The following INSL6 variants were observed in gnomAD, a reference collection of about 807,000 sequenced individuals.
INSL6 encodes the protein insulin like 6.
In INSL6, 16 loss-of-function variants were observed where a neutral mutation model predicts 9.4. That is an observed-to-expected ratio of 1.70 (90% CI 1.15 to 2.59). The LOEUF is 2.59. Among genes scored for constraint, INSL6 ranks in the 30% most tolerant of loss-of-function variants. INSL6 has a pLI of 0.00. For missense variants in INSL6, 391 were observed against 257.3 expected, an observed-to-expected ratio of 1.52 and a Z score of -3.56; for synonymous variants, 154 against 96.9, an observed-to-expected ratio of 1.59 and a Z score of -3.46.
downstream of INSL6, among the ~76,000 whole-genome samples, chr9:5,122,762 T>A (rs1213154445): frequency 6.6e-6 from 1 of 152,014 alleles, no homozygotes; most frequent in Non-Finnish European, 1.5e-5. Flanking sequence ...AACCGTATTG[T>A]TTGTACAAAC....
the INSL6 span, among the ~76,000 whole-genome samples, chr9:5,102,587 T>A: frequency 6.6e-6 from 1 of 152,112 alleles, no homozygotes; most frequent in Non-Finnish European, 1.5e-5. Flanking sequence ...AGACACGTAA[T>A]TGTCATATTC....
chr9:5,168,488 G>A (rs1443687182), intron 1 of INSL6, among the ~76,000 whole-genome samples: 1 of 152,110 alleles, frequency 6.6e-6, no homozygotes, highest in Non-Finnish European at 1.5e-5. Context: ...ATCAGAGCTT[G>A]AAGACTATCT....
At chr9:5,125,550 A>G (rs1204581099) in intron 3 of INSL6, among the ~76,000 whole-genome samples, 1 of 151,518 alleles carries the variant, frequency 6.6e-6, no homozygotes, top group Non-Finnish European at 1.5e-5. Context: ...AAAGTTATGA[A>G]CTATTTTAAA....
intron 1 of INSL6, among the ~76,000 whole-genome samples, chr9:5,170,356 T>C (rs1033597672): frequency 6.6e-6 from 1 of 152,152 alleles, no homozygotes. Flanking sequence ...TAAAGCAGTC[T>C]TAACAGGAAA....
chr9:5,127,277 T>C (rs751294740), intron 3 of INSL6: 25 of 232,422 alleles, frequency 1.1e-4, no homozygotes, highest in Non-Finnish European at 1.7e-4. Flanking sequence ...CTATAATTAA[T>C]TACTTCACTA....
the INSL6 span, chr9:5,080,798 C>A: frequency 4.6e-6 from 3 of 659,118 alleles, no homozygotes; most frequent in African/African-American, 1.9e-5. Context: ...TTTGGGCCCT[C>A]TTAATTTCTT....
At chr9:5,096,720 T>C in the INSL6 span, 6 of 152,196 alleles carry the variant, frequency 3.9e-5, no homozygotes, top group Admixed American at 1.3e-4. Flanking sequence ...CGGAACACTA[T>C]ACCTGCTGTT....
At chr9:5,065,162 A>G in the INSL6 span, 1 of 546,500 alleles carries the variant, frequency 1.8e-6, no homozygotes, top group Non-Finnish European at 2.9e-6. Context: ...TTTTTTAAAC[A>G]AAAGGCTATT....
At chr9:5,130,853 C>T (rs1394783590) in intron 3 of INSL6, among the ~76,000 whole-genome samples, 2 of 150,706 alleles carry the variant, frequency 1.3e-5, no homozygotes, top group Admixed American at 6.6e-5. Flanking sequence ...CTCAGCCTCC[C>T]GCGTAGCTGG....
At chr9:5,006,411 A>T in the INSL6 span, among the ~76,000 whole-genome samples, 1 of 152,148 alleles carries the variant, frequency 6.6e-6, no homozygotes, top group Non-Finnish European at 1.5e-5. Flanking sequence ...GGGGTTTTCT[A>T]GATATACAAT....
the INSL6 span, among the ~76,000 whole-genome samples, chr9:5,028,146 T>G: frequency 6.6e-6 from 1 of 152,206 alleles, no homozygotes; most frequent in Admixed American, 6.5e-5. Flanking sequence ...TCCCAAATAA[T>G]AAGATTTGAA....
the INSL6 span, chr9:5,077,585 G>A: frequency 1.4e-6 from 2 of 1,466,914 alleles, no homozygotes; most frequent in Non-Finnish European, 1.8e-6. Context: ...TTTCTAGTAA[G>A]TAGTACAACC....
At chr9:5,014,164 CT>C in the INSL6 span, among the ~76,000 whole-genome samples, 355 of 117,522 alleles carry the variant, frequency 3.0e-3, no homozygotes, top group Middle Eastern at 9.7e-3. Context: ...TTTACTCTTT[CT>C]TTTTTTTTTT....
At chr9:5,096,985 C>T in the INSL6 span, 3 of 152,134 alleles carry the variant, frequency 2.0e-5, no homozygotes, top group Admixed American at 2.0e-4. Flanking sequence ...ACTTCTCCCC[C>T]ACTCTTTCCT....
chr9:5,072,803 G>A, the INSL6 span, among the ~76,000 whole-genome samples: 14 of 152,082 alleles, frequency 9.2e-5, 1 homozygote, highest in South Asian at 1.5e-3. Context: ...GAAAATTACC[G>A]GATTAAAAAA....
the INSL6 span, among the ~76,000 whole-genome samples, chr9:5,105,373 C>G: frequency 0.013 from 2,007 of 152,276 alleles, 8 homozygotes; most frequent in Non-Finnish European, 0.022. Context: ...CTCTGGACCT[C>G]TTCAAGGAAA....
intron 2 of INSL6, among the ~76,000 whole-genome samples, chr9:5,138,673 T>C (rs1824431899): frequency 6.6e-6 from 1 of 152,014 alleles, no homozygotes; most frequent in Non-Finnish European, 1.5e-5. Context: ...GACACATGTA[T>C]ACCTATGTTA....
the INSL6 span, among the ~76,000 whole-genome samples, chr9:5,050,445 A>G: frequency 6.6e-6 from 1 of 152,016 alleles, no homozygotes; most frequent in East Asian, 1.9e-4. Context: ...TAATTTTTAA[A>G]TTTTTTGTGG....
the INSL6 span, among the ~76,000 whole-genome samples, chr9:4,998,491 G>A: frequency 8.5e-5 from 13 of 152,166 alleles, no homozygotes; most frequent in South Asian, 2.1e-4. Flanking sequence ...TCCTGACCTC[G>A]TGATCCGCCC....
Sources: allele counts gnomAD v4.1 joint callset (sites outside exome capture counted in the v4.1 genomes callset), GRCh38; gene constraint gnomAD v4.1.1; transcripts MANE v1.5; gene names NCBI Gene and HGNC (gene_info 2026-07-23, HGNC 2026-07-21).